Variants in ATP2C2 observed in about 807,000 individuals in gnomAD.
ATP2C2 encodes calcium-transporting ATPase type 2C member 2.
Under a neutral mutation model 110.8 loss-of-function variants are expected in ATP2C2, and 171 were observed. That is an observed-to-expected ratio of 1.54 (90% confidence interval 1.36 to 1.75). The LOEUF (loss-of-function observed/expected upper bound fraction) is 1.75, where lower values mean the gene tolerates loss of function less well. ATP2C2 is among the 40% of genes most tolerant of loss of function. ATP2C2 has a pLI of 0.00. For missense variants in ATP2C2, 1,963 were observed against 1,235.0 expected, an observed-to-expected ratio of 1.59 and a Z score of -8.84; for synonymous variants, 804 against 508.4, an observed-to-expected ratio of 1.58 and a Z score of -7.82.
At chr16:84,422,608 T>TTC in intron 8 of ATP2C2, 21 bp from the exon 9 acceptor site, 1 of 1,611,472 alleles carries the variant, frequency 6.2e-7, no homozygotes. Flanking sequence ...GATTTCATAC[T>TTC]TCTCTCTCTC....
rs145650512 is a variant in ATP2C2, at chr16:84,395,218, C to G, written c.100-3281C>G. 2.6e-4 allele frequency among the ~76,000 whole-genome samples: 40 copies of G among 152,106 alleles called. No individual in the cohort carries two copies. In the East Asian group the frequency reaches 7.4e-3, roughly 28 times the overall value. ...GGTCCTCTCTCCTTTGGGCTCTGGA[C>G]TCTGCCCCTGCAGTCACAAAACACA... On this transcript the variant is annotated intron_variant, in intron 1 of 26. Coordinates refer to ENST00000262429, the MANE Select transcript of ATP2C2 (RefSeq NM_014861.4).
chr16:84,460,662 T>C lies in ATP2C2; in HGVS notation c.2342T>C (p.Val781Ala). 1.2e-6 allele frequency: 2 copies of C among 1,614,138 alleles called. No individual in the cohort carries two copies. The highest frequency in any genetic ancestry group is 1.7e-6 in the Non-Finnish European group (2 of 1,180,024). ...TGTCTTGTTCGGAGCAGCTTGGGGG[T>C]AGAGCCCGTTGACAAAGACGCCTTC... ...MDGPPAQSLG[V>A]EPVDKDAFRQ... Residue 781 changes from valine (V) to alanine (A), a missense_variant, in exon 24 of 27, where the codon GTA becomes GCA. Val to Ala is a moderately conservative substitution (Grantham distance 64). Coordinates refer to ENST00000262429, the MANE Select transcript of ATP2C2 (RefSeq NM_014861.4).
intron 23 of ATP2C2, chr16:84,459,969 G>T (rs763962060): frequency 1.2e-5 from 3 of 254,486 alleles, no homozygotes; most frequent in African/African-American, 6.6e-5. Flanking sequence ...GAAGGAATGC[G>T]CTTTGGAGTC....
At chr16:84,411,811 C>G (rs986064775) in intron 6 of ATP2C2, among the ~76,000 whole-genome samples, 21 of 152,130 alleles carry the variant, frequency 1.4e-4, no homozygotes, top group Non-Finnish European at 2.5e-4. Flanking sequence ...CTAGTGGCTA[C>G]CATATTGGGC....
chr16:84,374,420 C>G (rs1288053674), intron 1 of ATP2C2, among the ~76,000 whole-genome samples: 1 of 152,168 alleles, frequency 6.6e-6, no homozygotes, highest in Non-Finnish European at 1.5e-5. Context: ...AGTTGCCCCC[C>G]ACCCCGAAAG....
chr16:84,381,154 G>A (rs1224624194), intron 1 of ATP2C2, among the ~76,000 whole-genome samples: 2 of 152,202 alleles, frequency 1.3e-5, no homozygotes, highest in Admixed American at 1.3e-4. Context: ...TTGGGGATAG[G>A]CGGTGAAGTT....
intron 1 of ATP2C2, among the ~76,000 whole-genome samples, chr16:84,376,968 T>C (rs1910286088): frequency 6.6e-6 from 1 of 152,202 alleles, no homozygotes; most frequent in South Asian, 2.1e-4. Flanking sequence ...TTCTTCTGAA[T>C]TGTCATGGGG....
intron 1 of ATP2C2, among the ~76,000 whole-genome samples, chr16:84,381,136 T>C (rs548949200): frequency 6.6e-6 from 1 of 152,306 alleles, no homozygotes; most frequent in South Asian, 2.1e-4. Context: ...TCATTAGTTA[T>C]TATAGGTTTG....
chr16:84,445,123 C>G (rs973105505), intron 15 of ATP2C2, among the ~76,000 whole-genome samples: 4 of 152,180 alleles, frequency 2.6e-5, no homozygotes, highest in African/African-American at 9.7e-5. Context: ...CCTTGACTCG[C>G]AGACGCATCC....
chr16:84,412,069 G>C (rs1906360994), intron 6 of ATP2C2, among the ~76,000 whole-genome samples: 1 of 151,548 alleles, frequency 6.6e-6, no homozygotes, highest in Non-Finnish European at 1.5e-5. Flanking sequence ...GAGTGCAGTG[G>C]CAGGATCTCG....
intron 1 of ATP2C2, among the ~76,000 whole-genome samples, chr16:84,382,460 T>C (rs1299250347): frequency 6.6e-6 from 1 of 152,236 alleles, no homozygotes; most frequent in African/African-American, 2.4e-5. Flanking sequence ...ACTTGACTCA[T>C]GCCTCCCAAT....
At chr16:84,434,636 G>A (rs1013177448) in intron 11 of ATP2C2, among the ~76,000 whole-genome samples, 32 of 151,506 alleles carry the variant, frequency 2.1e-4, no homozygotes, top group Admixed American at 1.8e-3. Flanking sequence ...TCCTGCCTCA[G>A]CCTCCCCAAG....
chr16:84,446,980 T>G (rs1909809042), intron 16 of ATP2C2, among the ~76,000 whole-genome samples: 1 of 152,200 alleles, frequency 6.6e-6, no homozygotes, highest in African/African-American at 2.4e-5. Flanking sequence ...TGTGCACACG[T>G]GTTGTCCCTG....
At chr16:84,408,874 A>G (rs1201294254) in intron 4 of ATP2C2, among the ~76,000 whole-genome samples, 1 of 151,890 alleles carries the variant, frequency 6.6e-6, no homozygotes, top group Non-Finnish European at 1.5e-5. Context: ...TTTTATTTAG[A>G]TGAAATTCAC....
chr16:84,370,142 G>A (rs997187765), intron 1 of ATP2C2, among the ~76,000 whole-genome samples: 1 of 132,764 alleles, frequency 7.5e-6, no homozygotes, highest in African/African-American at 3.2e-5. Context: ...GAATGCAGGT[G>A]CATGGATGAT....
intron 1 of ATP2C2, 79 bp downstream of exon 1, chr16:84,368,793 C>A (rs1909782244): frequency 3.3e-6 from 4 of 1,230,760 alleles, no homozygotes; most frequent in Non-Finnish European, 4.4e-6. Context: ...GGCCCGAGAC[C>A]CCGCGTTCGC....
intron 17 of ATP2C2, among the ~76,000 whole-genome samples, chr16:84,449,165 A>T (rs1326475506): frequency 6.6e-6 from 1 of 152,190 alleles, no homozygotes; most frequent in Non-Finnish European, 1.5e-5. Context: ...CCAGTTACAG[A>T]GGAAGCGTTT....
chr16:84,448,562 G>A lies in ATP2C2; in HGVS notation c.1533G>A (p.Gly511=). The change falls in exon 17 of 27, where the codon GGG becomes GGA. Residue 511 remains glycine (G), a synonymous_variant. Coordinates refer to ENST00000262429, the MANE Select transcript of ATP2C2 (RefSeq NM_014861.4). The stretch of plus-strand genomic sequence containing the variant: ...AGGAAGACATTTACTTCATGAAAGG[G>A]GCCTTGGAAGAGGTGATCCGCTACT... ...EDQEDIYFMK[G]ALEEVIRYCT... is the part of the protein sequence containing the mutation. The A allele has an allele frequency of 1.2e-6, 2 of 1,613,092 alleles. No homozygotes were observed. The highest frequency in any genetic ancestry group is 1.7e-6 in the Non-Finnish European group (2 of 1,179,360).
In ATP2C2 at chr16:84,459,339, GCAGAT is replaced by G; in HGVS notation, c.2288_2292del (p.Gln763ProfsTer21). ...ACCTGCCCAGCCCCCTCAACGCCAT[GCAGAT>G]CCTATGGATCAACATCATCATGGAT... On this transcript the variant is annotated frameshift_variant, in exon 23 of 27. Transcript: ENST00000262429. LOFTEE classifies it high-confidence loss of function. 1 of 1,614,190 alleles carries G rather than the reference GCAGAT, an allele frequency of 6.2e-7. No homozygotes were observed. Among genetic ancestry groups the G allele is most frequent in the Non-Finnish European group, 8.5e-7 (1 of 1,180,030 alleles).
Sources: gnomAD v4.1 joint callset for allele counts (sites outside exome capture counted in the v4.1 genomes callset) on GRCh38, gnomAD v4.1.1 for gene constraint, MANE v1.5 for transcripts, NCBI Gene and HGNC (gene_info 2026-07-23, HGNC 2026-07-21) for gene names.